The following RTL4 variants were observed in gnomAD, a reference collection of about 807,000 sequenced individuals.
The protein encoded by RTL4 is retrotransposon Gag like 4.
A neutral mutation model predicts 5.3 loss-of-function variants in RTL4; 4 were observed. That is an observed-to-expected ratio of 0.75 (90% CI 0.37 to 1.72). The LOEUF (loss-of-function observed/expected upper bound fraction) is 1.72, where lower values mean the gene tolerates loss of function less well. RTL4 is among the 40% of genes most tolerant of loss of function. The pLI is 0.04. For synonymous variants in RTL4, 98 were observed against 87.3 expected (o/e 1.12, Z -0.68); for missense variants, 260 against 227.1 (o/e 1.14, Z -0.93).
chrX:112,176,789 T>A, the RTL4 span, among the ~76,000 whole-genome samples: 1 of 106,722 alleles, frequency 9.4e-6, no homozygotes, highest in African/African-American at 3.3e-5. Context: ...ATTTAATTGG[T>A]TTTTTTTACT....
chrX:112,305,136 G>A, the RTL4 span, among the ~76,000 whole-genome samples: 1 of 107,798 alleles, frequency 9.3e-6, no homozygotes, highest in East Asian at 2.9e-4. Context: ...AGGGGATGGG[G>A]AGTACTCAGT....
the RTL4 span, among the ~76,000 whole-genome samples, chrX:112,111,146 A>G: frequency 9.1e-6 from 1 of 110,147 alleles, no homozygotes; most frequent in African/African-American, 3.3e-5. Flanking sequence ...TTTCTCTTTG[A>G]CTTTCTTTCT....
the RTL4 span, among the ~76,000 whole-genome samples, chrX:112,095,778 C>T: frequency 9.0e-6 from 1 of 111,072 alleles, no homozygotes; most frequent in Non-Finnish European, 1.9e-5. Context: ...GAGTGGGTGG[C>T]TGAGGTACAG....
chrX:112,191,128 C>T, the RTL4 span, among the ~76,000 whole-genome samples: 1 of 112,119 alleles, frequency 8.9e-6, no homozygotes, highest in Non-Finnish European at 1.9e-5. Flanking sequence ...GCAAAAATGT[C>T]AAGCATGGCC....
chrX:112,155,206 G>A, the RTL4 span, among the ~76,000 whole-genome samples: 6,009 of 109,390 alleles, frequency 0.055, 457 homozygotes, highest in African/African-American at 0.19. Flanking sequence ...CAGCACAAGG[G>A]GACTATGAAA....
At chrX:112,260,826 A>G in the RTL4 span, among the ~76,000 whole-genome samples, 36 of 111,657 alleles carry the variant, frequency 3.2e-4, no homozygotes, top group African/African-American at 1.1e-3. Context: ...CTCTTTTTCA[A>G]TCTGGGCCTC....
chrX:112,283,504 C>T, the RTL4 span, among the ~76,000 whole-genome samples: 1 of 111,064 alleles, frequency 9.0e-6, no homozygotes, highest in African/African-American at 3.3e-5. Flanking sequence ...AGAGAGGAGA[C>T]CCAAACTACC....
the RTL4 span, among the ~76,000 whole-genome samples, chrX:112,180,441 T>C: frequency 8.9e-6 from 1 of 112,155 alleles, no homozygotes; most frequent in Non-Finnish European, 1.9e-5. Flanking sequence ...TACAACCTTT[T>C]CTCTAAACAC....
chrX:112,329,740 C>T, the RTL4 span, among the ~76,000 whole-genome samples: 1 of 111,135 alleles, frequency 9.0e-6, no homozygotes. Flanking sequence ...CCTTGATGAA[C>T]ATTGATGCAA....
At chrX:112,267,135 A>T in the RTL4 span, among the ~76,000 whole-genome samples, 1 of 111,206 alleles carries the variant, frequency 9.0e-6, no homozygotes, top group Admixed American at 9.5e-5. Context: ...ACTTGCCATA[A>T]ATGTATGGCC....
the RTL4 span, among the ~76,000 whole-genome samples, chrX:112,390,024 T>C: frequency 1.1e-5 from 1 of 94,148 alleles, no homozygotes; most frequent in Non-Finnish European, 2.1e-5. Flanking sequence ...ACTATTATTG[T>C]GTGGGAGTCT....
the RTL4 span, among the ~76,000 whole-genome samples, chrX:112,258,257 C>T: frequency 0.015 from 1,647 of 110,565 alleles, 33 homozygotes; most frequent in African/African-American, 0.051. Flanking sequence ...TTATACAACA[C>T]CAAGAGTGAA....
chrX:112,233,034 G>A, the RTL4 span, among the ~76,000 whole-genome samples: 7 of 111,508 alleles, frequency 6.3e-5, no homozygotes, highest in African/African-American at 2.3e-4. Context: ...AGATCAAGAG[G>A]CAGTAAAGTG....
chrX:112,215,010 G>A, the RTL4 span, among the ~76,000 whole-genome samples: 1 of 111,339 alleles, frequency 9.0e-6, no homozygotes, highest in African/African-American at 3.3e-5. Context: ...GGATGGTCTC[G>A]ATCTCCTGAC....
the RTL4 span, among the ~76,000 whole-genome samples, chrX:112,160,990 A>G: frequency 1.2e-4 from 13 of 111,191 alleles, 1 homozygote; most frequent in Admixed American, 1.2e-3. Flanking sequence ...CCCCAGCCCC[A>G]AGCAGGGTGA....
At chrX:112,129,318 T>C in the RTL4 span, among the ~76,000 whole-genome samples, 1 of 112,120 alleles carries the variant, frequency 8.9e-6, no homozygotes, top group African/African-American at 3.2e-5. Flanking sequence ...AATTACCTGA[T>C]GATCCAGCAA....
chrX:112,134,600 A>G, the RTL4 span, among the ~76,000 whole-genome samples: 4 of 111,949 alleles, frequency 3.6e-5, no homozygotes, highest in South Asian at 1.1e-3. Context: ...TATAATCTAA[A>G]CTGTACAATT....
the RTL4 span, among the ~76,000 whole-genome samples, chrX:112,448,473 G>A: frequency 9.8e-5 from 11 of 111,759 alleles, no homozygotes; most frequent in African/African-American, 3.6e-4. Flanking sequence ...AAAACCAGCA[G>A]CCAGTTTCTC....
chrX:112,427,620 TTTTTC>T, the RTL4 span, among the ~76,000 whole-genome samples: 4 of 111,281 alleles, frequency 3.6e-5, no homozygotes, highest in African/African-American at 1.3e-4. Context: ...ACTTTGGATT[TTTTTC>T]TTATTTTTCT....
Sources: gnomAD v4.1 joint callset for allele counts (sites outside exome capture counted in the v4.1 genomes callset) on GRCh38, gnomAD v4.1.1 for gene constraint, MANE v1.5 for transcripts, NCBI Gene and HGNC (gene_info 2026-07-23, HGNC 2026-07-21) for gene names.